FRMPD4: variants seen among roughly 807,000 people sequenced by gnomAD.
The protein encoded by FRMPD4 is FERM and PDZ domain-containing protein 4.
Under a neutral mutation model 94.1 loss-of-function variants are expected in FRMPD4, and 22 were observed. The ratio of observed to expected loss-of-function variants is 0.23; its 90% CI spans 0.17 to 0.33. The LOEUF is 0.33. Among genes scored for constraint, FRMPD4 ranks in the 10% least tolerant of loss-of-function variants. The pLI is 1.00. For missense variants in FRMPD4, 1,111 were observed against 1,339.9 expected, an observed-to-expected ratio of 0.83 and a Z score of 2.67; for synonymous variants, 631 against 548.6, an observed-to-expected ratio of 1.15 and a Z score of -2.10.
At chrX:11,885,578 A>G (rs1318646601) in intron 3 of FRMPD4, among the ~76,000 whole-genome samples, 1 of 111,629 alleles carries the variant, frequency 9.0e-6, no homozygotes, top group Non-Finnish European at 1.9e-5. Flanking sequence ...TAAATGTTAA[A>G]AAAATAGCCA....
intron 1 of FRMPD4, among the ~76,000 whole-genome samples, chrX:12,283,123 A>T (rs2054550514): frequency 8.9e-6 from 1 of 112,639 alleles, no homozygotes; most frequent in African/African-American, 3.2e-5. Flanking sequence ...AAAAATCTTA[A>T]GTTACAGACC....
intron 1 of FRMPD4, among the ~76,000 whole-genome samples, chrX:12,172,468 C>A (rs1025752091): frequency 1.5e-4 from 17 of 111,574 alleles, no homozygotes; most frequent in African/African-American, 5.5e-4. Context: ...TTAAACAAGA[C>A]CTTTTCCTGT....
At chrX:12,575,756 G>A (rs755215806) in intron 2 of FRMPD4, among the ~76,000 whole-genome samples, 1 of 111,494 alleles carries the variant, frequency 9.0e-6, no homozygotes, top group African/African-American at 3.3e-5. Context: ...GAGTCAGAGC[G>A]ATATGAGGTG....
intron 3 of FRMPD4, among the ~76,000 whole-genome samples, chrX:12,083,065 A>G (rs976265001): frequency 8.9e-6 from 1 of 112,836 alleles, no homozygotes; most frequent in Non-Finnish European, 1.9e-5. Flanking sequence ...AGTACCAAGG[A>G]GCCTAATGTT....
At chrX:11,922,311 G>A (rs1601840295) in intron 3 of FRMPD4, among the ~76,000 whole-genome samples, 1 of 111,267 alleles carries the variant, frequency 9.0e-6, no homozygotes, top group African/African-American at 3.3e-5. Context: ...GAGCAAGAGA[G>A]CGGGTGTGGG....
At chrX:12,720,231 G>T (rs2042213056) in intron 16 of FRMPD4, among the ~76,000 whole-genome samples, 1 of 112,000 alleles carries the variant, frequency 8.9e-6, no homozygotes, top group Non-Finnish European at 1.9e-5. Context: ...GCTTTGATGG[G>T]TAGATATTGG....
chrX:12,517,324 T>A, intron 2 of FRMPD4, among the ~76,000 whole-genome samples: 1 of 112,622 alleles, frequency 8.9e-6, no homozygotes, highest in East Asian at 2.8e-4. Flanking sequence ...TGATTCGTTC[T>A]AATCTTCATG....
chrX:12,429,379 C>T (rs1313506937), intron 1 of FRMPD4, among the ~76,000 whole-genome samples: 1 of 111,557 alleles, frequency 9.0e-6, no homozygotes, highest in Non-Finnish European at 1.9e-5. Context: ...TCAAGGTCCT[C>T]TTTTCAGCCT....
At chrX:12,181,775 A>G (rs187539599) in intron 1 of FRMPD4, among the ~76,000 whole-genome samples, 1 of 111,676 alleles carries the variant, frequency 9.0e-6, no homozygotes, top group African/African-American at 3.2e-5. Context: ...GCAGGGCCCC[A>G]TGAAACTTCA....
chrX:12,634,082 A>T (rs905960607), intron 4 of FRMPD4, among the ~76,000 whole-genome samples: 1 of 112,350 alleles, frequency 8.9e-6, no homozygotes, highest in Non-Finnish European at 1.9e-5. Context: ...CTTTAAAAAA[A>T]TTTTGAGTAT....
chrX:12,457,832 A>G (rs966393938), intron 1 of FRMPD4, among the ~76,000 whole-genome samples: 1 of 111,959 alleles, frequency 8.9e-6, no homozygotes, highest in Admixed American at 9.5e-5. Flanking sequence ...CTTCAGAGCA[A>G]ACCTGTAAGA....
intron 1 of FRMPD4, among the ~76,000 whole-genome samples, chrX:12,193,342 C>T (rs1314018034): frequency 9.0e-6 from 1 of 110,976 alleles, no homozygotes; most frequent in Non-Finnish European, 1.9e-5. Context: ...TTGGTAATTA[C>T]ATCTCATTCC....
At chrX:12,527,862 A>G (rs141328132) in intron 2 of FRMPD4, among the ~76,000 whole-genome samples, 91 of 112,339 alleles carry the variant, frequency 8.1e-4, no homozygotes, top group African/African-American at 2.7e-3. Flanking sequence ...CAAATTTTCA[A>G]TTCAAGGACA....
intron 1 of FRMPD4, among the ~76,000 whole-genome samples, chrX:12,463,641 C>G (rs2057414004): frequency 9.9e-6 from 1 of 100,568 alleles, no homozygotes; most frequent in African/African-American, 3.7e-5. Flanking sequence ...TTACTTCTGT[C>G]AACAGACATT....
chrX:12,174,655 G>A (rs1454580133), intron 1 of FRMPD4, among the ~76,000 whole-genome samples: 1 of 111,624 alleles, frequency 9.0e-6, no homozygotes, highest in Non-Finnish European at 1.9e-5. Flanking sequence ...AAACTTTGAT[G>A]TATATCAGAA....
At chrX:12,097,739 G>C (rs1006122182) in intron 3 of FRMPD4, among the ~76,000 whole-genome samples, 1 of 112,570 alleles carries the variant, frequency 8.9e-6, no homozygotes, top group Non-Finnish European at 1.9e-5. Flanking sequence ...CCATGCTGTA[G>C]CATGTTTCAG....
At chrX:12,539,579 A>G (rs2148305528) in intron 2 of FRMPD4, among the ~76,000 whole-genome samples, 1 of 111,882 alleles carries the variant, frequency 8.9e-6, no homozygotes, top group Non-Finnish European at 1.9e-5. Context: ...CATCAGACTA[A>G]CAGCTGATCT....
chrX:12,143,663 G>C (rs1205210829), intron 1 of FRMPD4, among the ~76,000 whole-genome samples: 3 of 111,295 alleles, frequency 2.7e-5, no homozygotes, highest in African/African-American at 9.8e-5. Flanking sequence ...CTGACCCCTG[G>C]GTTAAACAAT....
At chrX:12,112,979 C>G (rs920539607) in intron 3 of FRMPD4, among the ~76,000 whole-genome samples, 3 of 111,702 alleles carry the variant, frequency 2.7e-5, no homozygotes, top group African/African-American at 9.8e-5. Flanking sequence ...GCCACGCCAA[C>G]CAGATTCACC....
Sources: gnomAD v4.1 joint callset for allele counts (sites outside exome capture counted in the v4.1 genomes callset) on GRCh38, gnomAD v4.1.1 for gene constraint, MANE v1.5 for transcripts, NCBI Gene and HGNC (gene_info 2026-07-23, HGNC 2026-07-21) for gene names.